The following GPR89B variants were observed in gnomAD, a reference collection of about 807,000 sequenced individuals.
GPR89B encodes the protein golgi pH regulator B.
GPR89B carries 25 observed loss-of-function variants against 52.4 expected under a neutral mutation model. The ratio of observed to expected loss-of-function variants is 0.48; its 90% CI spans 0.35 to 0.67. The LOEUF (loss-of-function observed/expected upper bound fraction) is 0.67, where lower values mean the gene tolerates loss of function less well. Ranked by LOEUF, GPR89B falls within the 30% of genes least tolerant of loss-of-function variation. GPR89B has a pLI of 0.01. For synonymous variants in GPR89B, 52 were observed against 151.2 expected, an observed-to-expected ratio of 0.34 and a Z score of 4.81; for missense variants, 146 against 450.2, an observed-to-expected ratio of 0.32 and a Z score of 6.11.
intron 10 of GPR89B, among the ~76,000 whole-genome samples, chr1:147,972,030 T>C (rs1317294654): frequency 6.6e-6 from 1 of 151,882 alleles, no homozygotes; most frequent in Non-Finnish European, 1.5e-5. Flanking sequence ...TCATTATATA[T>C]TAGTTTGTAT....
chr1:148,009,941 G>A, the GPR89B span, among the ~76,000 whole-genome samples: 3,421 of 152,030 alleles, frequency 0.023, 58 homozygotes, highest in Non-Finnish European at 0.036. Flanking sequence ...GAGGAGATTC[G>A]GACATGAGAT....
Position 147,957,995 on chromosome 1 carries a change from C to T in GPR89B, c.617+3593C>T, listed in dbSNP as rs1271525455. On this transcript the variant is annotated intron_variant, in intron 7 of 13. Transcript: ENST00000314163. ...AGGAGAACGGTGTGAACCCAGGAGG[C>T]GGAGCTTGCGGTAAGCCCACATCGC... Among the ~76,000 whole-genome samples, 52 of 151,142 alleles carry T rather than the reference C, an allele frequency of 3.4e-4. No individual in the cohort carries two copies. In the Middle Eastern group the frequency reaches 0.014, roughly 40 times the overall value.
In GPR89B at chr1:147,983,584, C is replaced by T. The variant is rs1296986539; in HGVS notation, c.910-2615C>T. Among the ~76,000 whole-genome samples the T allele has an allele frequency of 5.9e-5, 9 of 152,074 alleles. No homozygotes were observed. In the East Asian group the frequency reaches 9.7e-4, roughly 16 times the overall value. ...AAAAAACACAAGAAAAAATGCTCAC[C>T]ATCACTGGCCATCAGAGAAATGCAA... On this transcript the variant is annotated intron_variant, in intron 10 of 13. Transcript: ENST00000314163.
intron 5 of GPR89B, among the ~76,000 whole-genome samples, chr1:147,945,855 A>G (rs1440483602): frequency 6.6e-6 from 1 of 151,060 alleles, no homozygotes; most frequent in African/African-American, 2.4e-5. Context: ...CTCCTGAGTA[A>G]CGGGGACTAT....
In GPR89B at chr1:147,958,773, C is replaced by T. The variant is rs1419656563; in HGVS notation, c.617+4371C>T. Among the ~76,000 whole-genome samples, 3 of 151,958 alleles carry T rather than the reference C, an allele frequency of 2.0e-5. No individual in the cohort carries two copies. The East Asian group carries it at 5.8e-4, about 29-fold the overall frequency. ...GCCCATTTCCCCTATAATGCATTGT[C>T]TGGTCAGGATCAGGAATGGTTTGTG... On this transcript the variant is annotated intron_variant, in intron 7 of 13. Transcript: ENST00000314163.
the GPR89B span, among the ~76,000 whole-genome samples, chr1:148,015,528 A>G: frequency 3.7e-4 from 54 of 145,308 alleles, no homozygotes; most frequent in East Asian, 2.2e-3. Context: ...GTTGGCCAGG[A>G]TGGTATCAAT....
At chr1:147,938,873 G>A in intron 3 of GPR89B, 56 bp downstream of exon 3, 2 of 1,523,244 alleles carry the variant, frequency 1.3e-6, no homozygotes, top group Non-Finnish European at 1.8e-6. Flanking sequence ...ATTCTTTACA[G>A]TGGAAAAGCT....
downstream of GPR89B, among the ~76,000 whole-genome samples, chr1:147,997,314 G>A (rs1393223254): frequency 7.2e-5 from 11 of 152,204 alleles, no homozygotes; most frequent in South Asian, 2.1e-4. Flanking sequence ...GTCTGTGAAG[G>A]TGGTTCCAGA....
intron 2 of GPR89B, among the ~76,000 whole-genome samples, 171 bp from the exon 3 acceptor site, chr1:147,938,543 C>T (rs1396399594): frequency 1.3e-5 from 2 of 148,382 alleles, no homozygotes; most frequent in Admixed American, 6.7e-5. Context: ...TCAGAAGTGC[C>T]ACCTATATTG....
At chr1:147,973,707 A>T (rs1657635008) in intron 10 of GPR89B, among the ~76,000 whole-genome samples, 1 of 151,622 alleles carries the variant, frequency 6.6e-6, no homozygotes, top group Admixed American at 6.6e-5. Flanking sequence ...CTTTTGTGGC[A>T]ATTGCTTTTG....
intron 5 of GPR89B, among the ~76,000 whole-genome samples, chr1:147,948,511 G>A (rs1553250161): frequency 2.6e-5 from 4 of 151,278 alleles, no homozygotes; most frequent in African/African-American, 9.7e-5. Context: ...TTAGGGAAAA[G>A]GTGTACATGT....
the GPR89B span, among the ~76,000 whole-genome samples, chr1:148,017,487 C>A: frequency 3.3e-5 from 5 of 150,610 alleles, no homozygotes; most frequent in Non-Finnish European, 7.4e-5. Flanking sequence ...GTAATCCCAG[C>A]ACTTTGGGAG....
chr1:148,015,854 C>T, the GPR89B span, among the ~76,000 whole-genome samples: 1 of 151,406 alleles, frequency 6.6e-6, no homozygotes, highest in Non-Finnish European at 1.5e-5. Context: ...GTTTTTATAT[C>T]ATTCCATTCT....
At chr1:147,945,383 AG>A (rs1375111373) in intron 5 of GPR89B, among the ~76,000 whole-genome samples, 1 of 151,570 alleles carries the variant, frequency 6.6e-6, no homozygotes, top group Non-Finnish European at 1.5e-5. Flanking sequence ...TGAATGAGCC[AG>A]TGTCTATTAT....
At chr1:148,013,314 C>T in the GPR89B span, among the ~76,000 whole-genome samples, 1,098 of 152,248 alleles carry the variant, frequency 7.2e-3, 40 homozygotes, top group African/African-American at 0.024. Context: ...GCAAGCCTCC[C>T]TGCGACCGCA....
intron 10 of GPR89B, among the ~76,000 whole-genome samples, chr1:147,973,675 A>G (rs1306735164): frequency 1.6e-4 from 25 of 151,534 alleles, no homozygotes; most frequent in African/African-American, 5.8e-4. Flanking sequence ...TAGTTTAATT[A>G]GATCCCATTT....
intron 7 of GPR89B, among the ~76,000 whole-genome samples, chr1:147,962,098 T>C (rs1448276797): frequency 6.6e-6 from 1 of 151,808 alleles, no homozygotes; most frequent in Non-Finnish European, 1.5e-5. Flanking sequence ...CTGGTAGACA[T>C]AGATCACTGG....
At chr1:148,002,719 A>G in the GPR89B span, among the ~76,000 whole-genome samples, 1 of 152,126 alleles carries the variant, frequency 6.6e-6, no homozygotes, top group East Asian at 1.9e-4. Flanking sequence ...AGTCTTGCAT[A>G]GAAGTACCCT....
At position 147,949,661 on chromosome 1, in the gene GPR89B, C is replaced by T. The variant is rs587703327; in HGVS notation, c.416-3684C>T. On this transcript the variant is annotated intron_variant, in intron 5 of 13. Coordinates refer to ENST00000314163, the MANE Select transcript of GPR89B (RefSeq NM_016334.5). ...CTCCCTCCCGGATGGGGCGGCTGGC[C>T]GGGCGGGGGGCTGACCCCCCCACCT... Among the ~76,000 whole-genome samples, 79 of 134,232 alleles carry T rather than the reference C, an allele frequency of 5.9e-4. 2 individuals carry two copies. In the South Asian group the frequency reaches 0.016, roughly 28 times the overall value. The allele number at this position is 134,232 out of a possible 152,430, so 88.1% of individuals were successfully genotyped here.
Sources: gnomAD v4.1 joint callset for allele counts (sites outside exome capture counted in the v4.1 genomes callset) on GRCh38, gnomAD v4.1.1 for gene constraint, MANE v1.5 for transcripts, NCBI Gene and HGNC (gene_info 2026-07-23, HGNC 2026-07-21) for gene names.